The following ZNF69 variants were observed in gnomAD, a reference collection of about 807,000 sequenced individuals.
ZNF69 encodes ZNF3.
A neutral mutation model predicts 50.9 loss-of-function variants in ZNF69; 47 were observed. The observed-to-expected ratio is 0.92, with a 90% CI of 0.73 to 1.18. The LOEUF (loss-of-function observed/expected upper bound fraction) is 1.18, where lower values mean the gene tolerates loss of function less well. Ranked by LOEUF, ZNF69 falls within the 50% of genes most tolerant of loss-of-function variation. The pLI is 0.00. For synonymous variants in ZNF69, 216 were observed against 223.1 expected (o/e 0.97, Z 0.29); for missense variants, 717 against 675.1 (o/e 1.06, Z -0.69).
the ZNF69 span, among the ~76,000 whole-genome samples, chr19:11,938,644 G>A: frequency 1.3e-5 from 2 of 152,128 alleles, no homozygotes; most frequent in African/African-American, 4.8e-5. Flanking sequence ...ATCTGGGTTG[G>A]TTCCAAGTCT....
At chr19:11,956,213 G>C in the ZNF69 span, among the ~76,000 whole-genome samples, 1 of 152,184 alleles carries the variant, frequency 6.6e-6, no homozygotes. Context: ...TTTGTAAGGA[G>C]GGGTAGTGGT....
chr19:11,968,521 C>A, the ZNF69 span, among the ~76,000 whole-genome samples: 2 of 152,328 alleles, frequency 1.3e-5, no homozygotes, highest in South Asian at 2.1e-4. Flanking sequence ...GGATTATAGA[C>A]ATGAGCAAAT....
the ZNF69 span, among the ~76,000 whole-genome samples, chr19:11,931,374 A>G: frequency 6.8e-6 from 1 of 147,966 alleles, no homozygotes; most frequent in Non-Finnish European, 1.5e-5. Context: ...TTATAAGAGC[A>G]CTAATCTCAT....
chr19:11,978,845 T>G, the ZNF69 span: 2 of 1,614,198 alleles, frequency 1.2e-6, no homozygotes, highest in Non-Finnish European at 1.7e-6. Context: ...GAACTCACAC[T>G]GGGGAGAAGC....
At chr19:11,927,780 G>T in the ZNF69 span, among the ~76,000 whole-genome samples, 1 of 152,192 alleles carries the variant, frequency 6.6e-6, no homozygotes, top group Non-Finnish European at 1.5e-5. Flanking sequence ...AAGGATACTT[G>T]CAGGCATCTT....
At chr19:11,925,739 AC>A in the ZNF69 span, among the ~76,000 whole-genome samples, 2 of 152,108 alleles carry the variant, frequency 1.3e-5, no homozygotes, top group African/African-American at 4.8e-5. Flanking sequence ...AATGAGAAAC[AC>A]CCCGTCCTGG....
chr19:11,963,088 A>AGAGAGAGAGAGTGTGTGTGTGTGTGTGT, the ZNF69 span, among the ~76,000 whole-genome samples: 1 of 138,248 alleles, frequency 7.2e-6, no homozygotes, highest in African/African-American at 3.0e-5. Flanking sequence ...AGAGAGAGAG[A>AGAGAGAGAGAGTGTGTGTGTGTGTGTGT]GTGTGTGTGT....
the ZNF69 span, among the ~76,000 whole-genome samples, chr19:11,938,378 T>A: frequency 1.3e-5 from 2 of 152,118 alleles, no homozygotes; most frequent in Non-Finnish European, 1.5e-5. Context: ...ATGCTATCCC[T>A]CTCCCTTCCC....
chr19:11,925,418 C>T, the ZNF69 span: 1 of 1,345,896 alleles, frequency 7.4e-7, no homozygotes, highest in African/African-American at 1.5e-5. Context: ...GCCCTCGGTC[C>T]CCTTGGCCGC....
chr19:11,972,010 C>T, the ZNF69 span, among the ~76,000 whole-genome samples: 1 of 148,752 alleles, frequency 6.7e-6, no homozygotes, highest in Non-Finnish European at 1.5e-5. Context: ...TGCAGTGAGC[C>T]AAGATGGTGT....
At chr19:11,940,608 G>T in the ZNF69 span, among the ~76,000 whole-genome samples, 4 of 152,172 alleles carry the variant, frequency 2.6e-5, no homozygotes, top group African/African-American at 9.7e-5. Flanking sequence ...GACCCAAAGA[G>T]TGAGCACTAG....
At chr19:11,966,705 G>C in the ZNF69 span, among the ~76,000 whole-genome samples, 1 of 152,148 alleles carries the variant, frequency 6.6e-6, no homozygotes, top group South Asian at 2.1e-4. Context: ...GCAGGTTGAA[G>C]ACTGGGCTTT....
chr19:11,949,673 C>T, the ZNF69 span: 9 of 1,612,082 alleles, frequency 5.6e-6, no homozygotes, highest in Non-Finnish European at 6.8e-6. Context: ...TGTTGCAATT[C>T]CCTTCGATAT....
the ZNF69 span, among the ~76,000 whole-genome samples, chr19:11,928,417 G>A: frequency 3.3e-5 from 5 of 152,256 alleles, no homozygotes; most frequent in African/African-American, 1.2e-4. Flanking sequence ...CAATCTGATA[G>A]CCATGAAATC....
At chr19:11,901,814 TAAAAC>T (rs1972249725) in intron 1 of ZNF69, among the ~76,000 whole-genome samples, 1 of 151,822 alleles carries the variant, frequency 6.6e-6, no homozygotes, top group Non-Finnish European at 1.5e-5. Flanking sequence ...TTACTTATCT[TAAAAC>T]AAAATGTGAA....
downstream of ZNF69, among the ~76,000 whole-genome samples, chr19:11,907,792 A>G (rs1054317519): frequency 6.6e-6 from 1 of 152,364 alleles, no homozygotes; most frequent in African/African-American, 2.4e-5. Context: ...AGTTAACATC[A>G]TAATGACTGG....
the ZNF69 span, among the ~76,000 whole-genome samples, chr19:11,933,257 A>C: frequency 6.8e-6 from 1 of 148,004 alleles, no homozygotes; most frequent in Non-Finnish European, 1.5e-5. Context: ...GTTTCAAAAA[A>C]AAAAAAAATG....
intron 1 of ZNF69, among the ~76,000 whole-genome samples, chr19:11,894,617 C>G (rs1206352058): frequency 6.6e-6 from 1 of 152,142 alleles, no homozygotes; most frequent in Non-Finnish European, 1.5e-5. Context: ...GTATCAGCCC[C>G]TGAGTCACTC....
chr19:11,935,962 G>T, the ZNF69 span, among the ~76,000 whole-genome samples: 39 of 152,238 alleles, frequency 2.6e-4, no homozygotes, highest in East Asian at 6.6e-3. Flanking sequence ...GCAGTGTTTG[G>T]TTTTCTGTTC....
Sources: allele counts gnomAD v4.1 joint callset (sites outside exome capture counted in the v4.1 genomes callset), GRCh38; gene constraint gnomAD v4.1.1; transcripts MANE v1.5; gene names NCBI Gene and HGNC (gene_info 2026-07-23, HGNC 2026-07-21).